VEPH1: variants seen among roughly 807,000 people sequenced by gnomAD.
The protein encoded by VEPH1 is ventricular zone-expressed PH domain-containing protein homolog 1.
In VEPH1, 80 loss-of-function variants were observed where a neutral mutation model predicts 85.2. The ratio of observed to expected loss-of-function variants is 0.94; its 90% CI spans 0.78 to 1.13. VEPH1 has a LOEUF of 1.13. Among genes scored for constraint, VEPH1 ranks in the 50% most tolerant of loss-of-function variants. The probability of loss-of-function intolerance (pLI) is 0.00; values close to 1 mark genes in which losing one functional copy is unlikely to be tolerated. For missense variants in VEPH1, 955 were observed against 980.5 expected (o/e 0.97, Z 0.35); for synonymous variants, 297 against 348.0 (o/e 0.85, Z 1.63).
intron 10 of VEPH1, chr3:157,316,100 T>A (rs1404056217): frequency 6.6e-6 from 1 of 152,098 alleles, no homozygotes; most frequent in Admixed American, 6.5e-5. Flanking sequence ...GCTATAGTTC[T>A]ACTTTATTAT....
At chr3:157,452,353 G>A (rs959044790) in intron 4 of VEPH1, among the ~76,000 whole-genome samples, 3 of 152,134 alleles carry the variant, frequency 2.0e-5, no homozygotes, top group Non-Finnish European at 4.4e-5. Flanking sequence ...TATGAAAGTC[G>A]GAGCTAGTTT....
chr3:157,338,899 G>A (rs193065936), intron 9 of VEPH1, among the ~76,000 whole-genome samples: 30 of 152,320 alleles, frequency 2.0e-4, no homozygotes, highest in African/African-American at 7.2e-4. Flanking sequence ...TCACTGAACT[G>A]CACTGCACTG....
chr3:157,442,646 C>T lies in VEPH1; in HGVS notation c.530-14158G>A, dbSNP rs144589446. 7.1e-5 allele frequency: 114 copies of T among 1,614,140 alleles called. No individual in the cohort carries two copies. The African/African-American group carries it at 1.1e-3, about 16-fold the overall frequency. On this transcript the variant is annotated intron_variant, in intron 4 of 13. Coordinates refer to ENST00000362010, the MANE Select transcript of VEPH1 (RefSeq NM_001167912.2). Reference sequence around the variant, plus strand: ...CCCTGGGAAGGTGGACCCACCTGTGCGGCACCTGGAATTCAGAGGAAGGGC... The same window carrying T: ...CCCTGGGAAGGTGGACCCACCTGTGTGGCACCTGGAATTCAGAGGAAGGGC...
chr3:157,438,614 G>A (rs1733867039), intron 4 of VEPH1, among the ~76,000 whole-genome samples: 1 of 152,102 alleles, frequency 6.6e-6, no homozygotes, highest in African/African-American at 2.4e-5. Flanking sequence ...ATCCGTGTAG[G>A]GGATCCCAGC....
intron 9 of VEPH1, among the ~76,000 whole-genome samples, chr3:157,347,308 A>G (rs1256355141): frequency 6.6e-6 from 1 of 152,226 alleles, no homozygotes; most frequent in Non-Finnish European, 1.5e-5. Context: ...AACTGTCTAC[A>G]TTTCCTGGGG....
intron 11 of VEPH1, among the ~76,000 whole-genome samples, chr3:157,289,270 C>T (rs956962062): frequency 1.6e-4 from 25 of 152,190 alleles, no homozygotes; most frequent in Non-Finnish European, 2.9e-5. Context: ...TTAAGGGTTC[C>T]TTTATTTTTC....
chr3:157,332,895 G>A (rs1297931829), intron 9 of VEPH1, among the ~76,000 whole-genome samples: 1 of 152,136 alleles, frequency 6.6e-6, no homozygotes, highest in Admixed American at 6.6e-5. Context: ...TTATGAAGGA[G>A]GTGAATCTGA....
chr3:157,336,895 C>A (rs983259873), intron 9 of VEPH1, among the ~76,000 whole-genome samples: 1 of 152,160 alleles, frequency 6.6e-6, no homozygotes, highest in Non-Finnish European at 1.5e-5. Flanking sequence ...TCAACAGAGA[C>A]CACACAAACT....
At chr3:157,376,518 G>A (rs1728126874) in intron 7 of VEPH1, among the ~76,000 whole-genome samples, 1 of 152,164 alleles carries the variant, frequency 6.6e-6, no homozygotes, top group Non-Finnish European at 1.5e-5. Context: ...ATGCATAATA[G>A]CCCTTGTACC....
intron 4 of VEPH1, among the ~76,000 whole-genome samples, chr3:157,441,642 TA>T (rs142542337): frequency 1.2e-3 from 181 of 148,000 alleles, no homozygotes; most frequent in Middle Eastern, 0.01. Context: ...ACCCCGTGTC[TA>T]AAAAAAAAAT....
At chr3:157,466,356 G>C (rs1211040655) in intron 3 of VEPH1, among the ~76,000 whole-genome samples, 2 of 152,116 alleles carry the variant, frequency 1.3e-5, no homozygotes, top group African/African-American at 4.8e-5. Context: ...TGTAATAAAA[G>C]ATCCTCTTCA....
chr3:157,318,269 T>C lies in VEPH1; in HGVS notation c.1736-1068A>G, dbSNP rs116232925. Among the ~76,000 whole-genome samples, 1,048 of 152,326 alleles carry C rather than the reference T, an allele frequency of 6.9e-3. 18 individuals carry two copies. Among genetic ancestry groups the C allele is most frequent in the African/African-American group, 0.024 (990 of 41,558 alleles). On this transcript the variant is annotated intron_variant, in intron 9 of 13. Transcript: ENST00000362010. ...AGTCATACTGATAGTTAATGGGGTA[T>C]TTTTTGTTTCAGAATTAATCTGACA...
At chr3:157,308,752 C>T (rs1045320880) in intron 11 of VEPH1, among the ~76,000 whole-genome samples, 5 of 152,026 alleles carry the variant, frequency 3.3e-5, no homozygotes, top group Admixed American at 6.5e-5. Context: ...CAATCAGGAA[C>T]GTGGTAATAT....
chr3:157,355,934 T>C (rs1725378258), intron 9 of VEPH1, among the ~76,000 whole-genome samples: 2 of 151,840 alleles, frequency 1.3e-5, no homozygotes, highest in South Asian at 4.2e-4. Flanking sequence ...GGGTCTCTCT[T>C]TGTCACCCAG....
chr3:157,313,557 G>A (rs1720377528), intron 11 of VEPH1, 64 bp downstream of exon 11: 3 of 1,543,506 alleles, frequency 1.9e-6, no homozygotes, highest in Admixed American at 2.1e-5. Context: ...TAAAAAAAAG[G>A]GAAACTGTTT....
intron 4 of VEPH1, among the ~76,000 whole-genome samples, chr3:157,435,674 G>C (rs755599128): frequency 2.8e-4 from 42 of 152,266 alleles, no homozygotes; most frequent in Middle Eastern, 6.8e-3. Flanking sequence ...ATCAGCTCAT[G>C]GGATTGTTGT....
intron 5 of VEPH1, among the ~76,000 whole-genome samples, chr3:157,419,610 A>T (rs1196136354): frequency 6.6e-6 from 1 of 152,194 alleles, no homozygotes; most frequent in Non-Finnish European, 1.5e-5. Context: ...TTCAAATCAA[A>T]ACCACAGTGA....
intron 9 of VEPH1, among the ~76,000 whole-genome samples, chr3:157,329,333 T>C (rs941553315): frequency 2.8e-4 from 42 of 152,186 alleles, no homozygotes; most frequent in African/African-American, 9.2e-4. Context: ...GGGAACCACC[T>C]GAACTGAAGG....
In VEPH1 at chr3:157,495,283, A is replaced by G. The variant is rs773851881; in HGVS notation, c.67T>C (p.Leu23=). The change falls in exon 2 of 14, where the codon TTA becomes CTA. Residue 23 remains leucine, a synonymous_variant. Coordinates refer to ENST00000362010, the MANE Select transcript of VEPH1 (RefSeq NM_001167912.2). ...CTGTCTTCAATCTCAGAGTCATCTA[A>G]GGAGAAGAGGTCCCCAGCTCGTGAA... ...DLSRAGDLFS[L]DDSEIEDSLT... is the part of the protein sequence containing the mutation. The G allele has an allele frequency of 6.2e-7, 1 of 1,614,074 alleles. No individual in the cohort carries two copies. The highest frequency in any genetic ancestry group is 2.2e-5 in the East Asian group (1 of 44,868).
Sources: gnomAD v4.1 joint callset for allele counts (sites outside exome capture counted in the v4.1 genomes callset) on GRCh38, gnomAD v4.1.1 for gene constraint, MANE v1.5 for transcripts, NCBI Gene and HGNC (gene_info 2026-07-23, HGNC 2026-07-21) for gene names.